The following DSCAM variants were observed in gnomAD, a reference collection of about 807,000 sequenced individuals.
DSCAM encodes DS cell adhesion molecule, also known as cell adhesion molecule DSCAM.
Under a neutral mutation model 217.7 loss-of-function variants are expected in DSCAM, and 47 were observed. That is an observed-to-expected ratio of 0.22 (90% CI 0.17 to 0.28). DSCAM has a LOEUF of 0.28. Ranked by LOEUF, DSCAM falls within the 10% of genes least tolerant of loss-of-function variation. The probability of loss-of-function intolerance (pLI) is 1.00; values close to 1 mark genes in which losing one functional copy is unlikely to be tolerated. For missense variants in DSCAM, 2,080 were observed against 2,618.3 expected, an observed-to-expected ratio of 0.79 and a Z score of 4.49; for synonymous variants, 1,056 against 1,015.3, an observed-to-expected ratio of 1.04 and a Z score of -0.76.
chr21:40,770,737 G>A (rs564064558), intron 1 of DSCAM, among the ~76,000 whole-genome samples: 1 of 152,096 alleles, frequency 6.6e-6, no homozygotes, highest in African/African-American at 2.4e-5. Context: ...CCATCTTCCA[G>A]ATGAAAAAAA....
At chr21:40,564,388 T>C (rs2076749280) in intron 3 of DSCAM, among the ~76,000 whole-genome samples, 1 of 152,124 alleles carries the variant, frequency 6.6e-6, no homozygotes, top group Non-Finnish European at 1.5e-5. Context: ...TCAGAGTAAA[T>C]TTGGAGAAAT....
intron 15 of DSCAM, among the ~76,000 whole-genome samples, chr21:40,170,067 C>T (rs1263481924): frequency 3.3e-5 from 5 of 152,174 alleles, no homozygotes; most frequent in East Asian, 1.9e-4. Flanking sequence ...GAAGGCACCT[C>T]GCCGTCCTCT....
chr21:40,637,206 AATATATATAAATATAAATAT>A (rs1568953669), intron 3 of DSCAM, among the ~76,000 whole-genome samples: 537 of 8,310 alleles, frequency 0.065, 197 homozygotes, highest in African/African-American at 0.095. Context: ...TATATATATA[AATATATATAAATATAAATAT>A]ATATATATAA....
intron 3 of DSCAM, among the ~76,000 whole-genome samples, chr21:40,575,210 A>ACC (rs143063303): frequency 2.0e-5 from 3 of 147,236 alleles, no homozygotes; most frequent in African/African-American, 7.5e-5. Context: ...GCACCCTGTG[A>ACC]CCCCCACTCC....
chr21:40,133,035 GT>G (rs1348558860), intron 19 of DSCAM, among the ~76,000 whole-genome samples: 3 of 152,168 alleles, frequency 2.0e-5, no homozygotes, highest in Non-Finnish European at 4.4e-5. Context: ...TCATCTCAAT[GT>G]ATACTTCTGT....
chr21:40,201,853 T>C (rs1198358445), intron 11 of DSCAM, among the ~76,000 whole-genome samples: 1 of 152,184 alleles, frequency 6.6e-6, no homozygotes, highest in Admixed American at 6.5e-5. Context: ...GATCATGTCA[T>C]CCTGAAAAAT....
At chr21:40,128,214 C>A (rs1423171236) in intron 19 of DSCAM, among the ~76,000 whole-genome samples, 2 of 148,364 alleles carry the variant, frequency 1.3e-5, no homozygotes, top group African/African-American at 5.0e-5. Flanking sequence ...GTTCCTGGGC[C>A]AGTATCTGGA....
intron 3 of DSCAM, among the ~76,000 whole-genome samples, chr21:40,473,680 C>T (rs943156380): frequency 1.3e-5 from 2 of 152,036 alleles, no homozygotes; most frequent in African/African-American, 2.4e-5. Flanking sequence ...CCCAGTACCT[C>T]GGGATAAGGT....
chr21:40,760,861 G>T (rs1210351883), intron 1 of DSCAM, among the ~76,000 whole-genome samples: 6 of 152,172 alleles, frequency 3.9e-5, no homozygotes, highest in East Asian at 1.9e-4. Context: ...TACCTTCCCA[G>T]CTGGGACAGG....
intron 3 of DSCAM, among the ~76,000 whole-genome samples, chr21:40,509,947 AC>A (rs1364321256): frequency 6.6e-6 from 1 of 152,048 alleles, no homozygotes; most frequent in African/African-American, 2.4e-5. Context: ...ACACAGTGAA[AC>A]CCCGTCTCTA....
At chr21:40,527,855 C>T (rs2076412045) in intron 3 of DSCAM, among the ~76,000 whole-genome samples, 2 of 152,158 alleles carry the variant, frequency 1.3e-5, no homozygotes, top group Admixed American at 6.5e-5. Context: ...GAGACAGAAA[C>T]CCTGTATGCG....
At chr21:40,251,574 A>G (rs1018028183) in intron 11 of DSCAM, among the ~76,000 whole-genome samples, 1 of 152,086 alleles carries the variant, frequency 6.6e-6, no homozygotes, top group African/African-American at 2.4e-5. Context: ...ATACAGCTCT[A>G]CCCTTTCCTG....
intron 15 of DSCAM, among the ~76,000 whole-genome samples, chr21:40,169,982 G>T (rs900492368): frequency 2.0e-5 from 3 of 152,064 alleles, no homozygotes; most frequent in African/African-American, 7.2e-5. Context: ...GGTCTCTATT[G>T]TACTCTTTTA....
intron 3 of DSCAM, among the ~76,000 whole-genome samples, chr21:40,397,680 C>T (rs1000481349): frequency 1.3e-5 from 2 of 152,130 alleles, no homozygotes; most frequent in Non-Finnish European, 2.9e-5. Flanking sequence ...TTTGGCAACA[C>T]TACCAATACT....
chr21:40,811,476 T>A (rs1007313553), intron 1 of DSCAM, among the ~76,000 whole-genome samples: 3 of 152,234 alleles, frequency 2.0e-5, no homozygotes, highest in African/African-American at 7.2e-5. Context: ...ACATGAATTC[T>A]GGAAAAGAAA....
chr21:40,130,833 AT>A (rs1180773681), intron 19 of DSCAM, among the ~76,000 whole-genome samples: 2 of 152,208 alleles, frequency 1.3e-5, no homozygotes, highest in African/African-American at 4.8e-5. Flanking sequence ...TTTTGCCTTT[AT>A]TAGGGTTAAG....
At chr21:40,342,599 AGTATGT>A (rs2074505183) in intron 6 of DSCAM, among the ~76,000 whole-genome samples, 1 of 134,858 alleles carries the variant, frequency 7.4e-6, no homozygotes. Flanking sequence ...AGGTACATAT[AGTATGT>A]GTATATGTGT....
intron 3 of DSCAM, among the ~76,000 whole-genome samples, chr21:40,509,968 C>A (rs1289370090): frequency 1.3e-5 from 2 of 151,942 alleles, no homozygotes; most frequent in Non-Finnish European, 2.9e-5. Flanking sequence ...ACTAAATATA[C>A]AAAAAATTAG....
chr21:40,218,607 C>T (rs1363486599), intron 11 of DSCAM, among the ~76,000 whole-genome samples: 1 of 151,792 alleles, frequency 6.6e-6, no homozygotes, highest in Non-Finnish European at 1.5e-5. Flanking sequence ...GATATTGATT[C>T]TTCCTATACA....
Sources: allele counts gnomAD v4.1 joint callset (sites outside exome capture counted in the v4.1 genomes callset), GRCh38; gene constraint gnomAD v4.1.1; transcripts MANE v1.5; gene names NCBI Gene and HGNC (gene_info 2026-07-23, HGNC 2026-07-21).